Variants in GPHN observed in about 807,000 individuals in gnomAD.
GPHN encodes the protein gephyrin.
A neutral mutation model predicts 95.5 loss-of-function variants in GPHN; 17 were observed. The observed-to-expected ratio is 0.18, with a 90% CI of 0.12 to 0.27. The LOEUF (loss-of-function observed/expected upper bound fraction) is 0.27. Ranked by LOEUF, GPHN falls within the 10% of genes least tolerant of loss-of-function variation. GPHN has a pLI of 1.00. For synonymous variants in GPHN, 320 were observed against 322.5 expected (o/e 0.99, Z 0.08); for missense variants, 660 against 978.1 (o/e 0.67, Z 4.34).
rs1371461542 is a variant in GPHN at position 67,129,669 on chromosome 14, A to G, written c.1748+7292A>G. The stretch of plus-strand genomic sequence containing the variant: ...CAAGCATAAAAAGTATTTCATAGCT[A>G]TGTTTTGTTTTCCAGAACCCATGGT... On this transcript the variant is annotated intron_variant, in intron 17 of 22. Transcript: ENST00000478722. Among the ~76,000 whole-genome samples, 5 of 152,224 alleles carry G rather than the reference A, an allele frequency of 3.3e-5. No individual in the cohort carries two copies. In the East Asian group the frequency reaches 7.7e-4, roughly 24 times the overall value.
intron 19 of GPHN, among the ~76,000 whole-genome samples, chr14:67,164,028 G>C (rs1480059365): frequency 6.6e-6 from 1 of 151,834 alleles, no homozygotes; most frequent in South Asian, 2.1e-4. Context: ...CAGCACTTTG[G>C]GAGGCCGAGG....
chr14:66,749,265 T>C (rs1473762325), intron 2 of GPHN, among the ~76,000 whole-genome samples: 1 of 151,974 alleles, frequency 6.6e-6, no homozygotes, highest in Non-Finnish European at 1.5e-5. Context: ...TCTTCGTTGT[T>C]TACAAGTTTT....
intron 4 of GPHN, among the ~76,000 whole-genome samples, chr14:66,864,368 A>G (rs1430839226): frequency 1.3e-5 from 2 of 152,196 alleles, no homozygotes; most frequent in Admixed American, 1.3e-4. Flanking sequence ...ATTGGTAGGA[A>G]TGTTAAGTTA....
At chr14:67,175,779 G>A (rs2082905365) in intron 21 of GPHN, among the ~76,000 whole-genome samples, 1 of 152,110 alleles carries the variant, frequency 6.6e-6, no homozygotes, top group Non-Finnish European at 1.5e-5. Flanking sequence ...AGTTCTCTTT[G>A]AAGAGGTCCT....
chr14:66,617,686 C>G (rs537700317), intron 1 of GPHN, among the ~76,000 whole-genome samples: 32 of 152,156 alleles, frequency 2.1e-4, no homozygotes, highest in Non-Finnish European at 4.0e-4. Context: ...AGGAATTTCC[C>G]TTTTTCCTAG....
chr14:66,601,448 T>G (rs1056790632), intron 1 of GPHN, among the ~76,000 whole-genome samples: 1 of 151,982 alleles, frequency 6.6e-6, no homozygotes, highest in Non-Finnish European at 1.5e-5. Flanking sequence ...CGTTCAATGA[T>G]TCTAGTCTTT....
At chr14:67,247,887 A>C in the GPHN span, among the ~76,000 whole-genome samples, 2 of 152,164 alleles carry the variant, frequency 1.3e-5, no homozygotes, top group East Asian at 3.9e-4. Context: ...CTTCTTGCTC[A>C]CTTTCTTAAA....
rs886420094 is a variant in GPHN, at chr14:66,864,906, A to G, written c.295-15033A>G. 5.3e-5 allele frequency among the ~76,000 whole-genome samples: 8 copies of G among 152,224 alleles called. No homozygotes were observed. In the East Asian group the frequency reaches 1.5e-3, roughly 29 times the overall value. On this transcript the variant is annotated intron_variant, in intron 4 of 22. Coordinates refer to ENST00000478722, the MANE Select transcript of GPHN (RefSeq NM_020806.5). ...GCAGATGAATGGATAAAGAAAATGT[A>G]CATCTACACAATGGAATTCTATTTG...
chr14:67,620,069 C>T, the GPHN span: 1 of 1,609,184 alleles, frequency 6.2e-7, no homozygotes, highest in Middle Eastern at 1.7e-4. Context: ...GTGATAGGAG[C>T]CCCGTTCTCA....
intron 1 of GPHN, among the ~76,000 whole-genome samples, chr14:66,535,554 G>A (rs2059114058): frequency 6.6e-6 from 1 of 152,096 alleles, no homozygotes; most frequent in Admixed American, 6.5e-5. Context: ...AATGTGGGGA[G>A]AATTGGCATC....
the GPHN span, among the ~76,000 whole-genome samples, chr14:67,670,567 C>CT: frequency 2.4e-3 from 360 of 148,148 alleles, 2 homozygotes; most frequent in Admixed American, 5.6e-3. Flanking sequence ...GGTTTGTTAC[C>CT]TTTTTTTTTT....
chr14:67,105,409 T>C (rs1479300857), intron 13 of GPHN, among the ~76,000 whole-genome samples: 1 of 152,150 alleles, frequency 6.6e-6, no homozygotes, highest in East Asian at 1.9e-4. Flanking sequence ...TCTATATGAC[T>C]TGTCCAATGC....
chr14:67,436,646 T>A, the GPHN span, among the ~76,000 whole-genome samples: 2 of 152,140 alleles, frequency 1.3e-5, no homozygotes, highest in Non-Finnish European at 2.9e-5. Context: ...CCACGCCCAG[T>A]CCTTCCACAA....
At chr14:67,101,382 A>G (rs2077689606) in intron 13 of GPHN, among the ~76,000 whole-genome samples, 1 of 152,144 alleles carries the variant, frequency 6.6e-6, no homozygotes, top group Non-Finnish European at 1.5e-5. Context: ...AAATGAAGCA[A>G]TAATAGGCCA....
At chr14:67,571,001 CAT>C in the GPHN span, 1 of 152,300 alleles carries the variant, frequency 6.6e-6, no homozygotes, top group Admixed American at 6.5e-5. Context: ...GGATTACAGG[CAT>C]GAGCCACCAT....
intron 12 of GPHN, among the ~76,000 whole-genome samples, chr14:67,095,060 A>C (rs1417975749): frequency 6.6e-6 from 1 of 152,220 alleles, no homozygotes; most frequent in Non-Finnish European, 1.5e-5. Context: ...CATTTCTCAG[A>C]ATATATCCCC....
At chr14:67,529,647 T>C in the GPHN span, among the ~76,000 whole-genome samples, 1 of 152,164 alleles carries the variant, frequency 6.6e-6, no homozygotes, top group African/African-American at 2.4e-5. Context: ...AATCACTGCC[T>C]TCCTAGCCCC....
At chr14:66,822,955 G>A (rs1023438939) in intron 3 of GPHN, 1 of 151,908 alleles carries the variant, frequency 6.6e-6, no homozygotes, top group Non-Finnish European at 1.5e-5. Context: ...AACAAAGATG[G>A]TTAATCTACA....
the GPHN span, chr14:67,562,926 G>GC: frequency 6.3e-7 from 1 of 1,594,904 alleles, no homozygotes; most frequent in Non-Finnish European, 8.5e-7. Context: ...GGGCAGAGGA[G>GC]CAGAGCTAAT....
Sources: gnomAD v4.1 joint callset for allele counts (sites outside exome capture counted in the v4.1 genomes callset) on GRCh38, gnomAD v4.1.1 for gene constraint, MANE v1.5 for transcripts, NCBI Gene and HGNC (gene_info 2026-07-23, HGNC 2026-07-21) for gene names.